The following CCDC91 variants were observed in gnomAD, a reference collection of about 807,000 sequenced individuals.
The protein encoded by CCDC91 is coiled-coil domain-containing protein 91.
CCDC91 carries 48 observed loss-of-function variants against 63.2 expected under a neutral mutation model. The ratio of observed to expected loss-of-function variants is 0.76; its 90% CI spans 0.60 to 0.97. The LOEUF is 0.97. Among genes scored for constraint, CCDC91 ranks in the 50% least tolerant of loss-of-function variants. The probability of loss-of-function intolerance (pLI) is 0.00; values close to 1 mark genes in which losing one functional copy is unlikely to be tolerated. For missense variants in CCDC91, 500 were observed against 494.6 expected (o/e 1.01, Z -0.10); for synonymous variants, 167 against 165.8 (o/e 1.01, Z -0.06).
chr12:28,255,672 G>A (rs1305506110), intron 1 of CCDC91: 4 of 151,982 alleles, frequency 2.6e-5, no homozygotes, highest in African/African-American at 7.2e-5. Context: ...TGTGAGTAAT[G>A]GTAATGATAC....
chr12:28,405,513 A>G (rs940051941), intron 8 of CCDC91, among the ~76,000 whole-genome samples: 3 of 152,196 alleles, frequency 2.0e-5, no homozygotes, highest in South Asian at 2.1e-4. Context: ...TCTGACCTAT[A>G]TAACTTTTCT....
chr12:28,277,459 C>T (rs1370769399), intron 3 of CCDC91, among the ~76,000 whole-genome samples: 1 of 151,996 alleles, frequency 6.6e-6, no homozygotes, highest in Non-Finnish European at 1.5e-5. Context: ...ATAGGTTGAA[C>T]ATCCCAAATC....
chr12:28,316,715 G>C (rs1233950452), intron 6 of CCDC91, among the ~76,000 whole-genome samples: 1 of 149,798 alleles, frequency 6.7e-6, no homozygotes, highest in Non-Finnish European at 1.5e-5. Flanking sequence ...TTTTAAATGA[G>C]TCATTTAAGA....
chr12:28,221,925 T>C (rs1943978736), intron 1 of CCDC91, among the ~76,000 whole-genome samples: 1 of 152,172 alleles, frequency 6.6e-6, no homozygotes, highest in African/African-American at 2.4e-5. Context: ...TCTGCCCCTT[T>C]AGCTCAGTGA....
At chr12:28,486,608 G>C (rs1951740361) in intron 12 of CCDC91, among the ~76,000 whole-genome samples, 1 of 152,026 alleles carries the variant, frequency 6.6e-6, no homozygotes, top group Non-Finnish European at 1.5e-5. Context: ...GCTACCATAA[G>C]AAGTGCCTAT....
At chr12:28,404,369 T>A (rs1431264248) in intron 8 of CCDC91, among the ~76,000 whole-genome samples, 1 of 152,110 alleles carries the variant, frequency 6.6e-6, no homozygotes, top group Non-Finnish European at 1.5e-5. Context: ...CCACATTTTG[T>A]GATTTCTACT....
Position 28,244,494 on chromosome 12 carries a change from C to CTTTTTTTTTTTTTT in CCDC91, c.-14-12689_-14-12676dup, listed in dbSNP as rs3064681. 7.8e-5 allele frequency among the ~76,000 whole-genome samples: 3 copies of CTTTTTTTTTTTTTT among 38,406 alleles called. 1 individual carries two copies. The highest frequency in any genetic ancestry group is 3.5e-4 in the African/African-American group (3 of 8,596). 25.2% of individuals were successfully genotyped at this position (38,406 alleles called of 152,430 possible). On this transcript the variant is annotated intron_variant, in intron 1 of 12. Transcript: ENST00000536442. ...GAAACTTGGACAATGTAGAAGAAGG[C>CTTTTTTTTTTTTTT]TTTTTTTTTTTTTTTTTTTTTTTTT...
chr12:28,448,652 A>G (rs1823264188), intron 8 of CCDC91, among the ~76,000 whole-genome samples: 1 of 152,112 alleles, frequency 6.6e-6, no homozygotes, highest in Non-Finnish European at 1.5e-5. Flanking sequence ...TTCTAACATT[A>G]CCAGTTCTTT....
chr12:28,291,008 GA>G (rs1199298637), intron 3 of CCDC91, among the ~76,000 whole-genome samples: 2 of 151,798 alleles, frequency 1.3e-5, no homozygotes, highest in African/African-American at 2.4e-5. Flanking sequence ...TTTTTACTTT[GA>G]AAAAATGTTA....
At chr12:28,441,138 T>C (rs1020070412) in intron 8 of CCDC91, among the ~76,000 whole-genome samples, 19 of 146,150 alleles carry the variant, frequency 1.3e-4, no homozygotes, top group Non-Finnish European at 2.7e-4. Flanking sequence ...AAGCACATGA[T>C]AAAATACTTA....
At chr12:28,215,108 A>G (rs1185869619) in intron 1 of CCDC91, among the ~76,000 whole-genome samples, 2 of 152,210 alleles carry the variant, frequency 1.3e-5, no homozygotes, top group African/African-American at 2.4e-5. Flanking sequence ...AGAAACTGCT[A>G]CTTCTTGACT....
chr12:28,399,491 C>T (rs1350148302), intron 8 of CCDC91, among the ~76,000 whole-genome samples: 1 of 152,210 alleles, frequency 6.6e-6, no homozygotes, highest in African/African-American at 2.4e-5. Flanking sequence ...CTTGACTTCA[C>T]ATTTCAAAAC....
intron 12 of CCDC91, among the ~76,000 whole-genome samples, chr12:28,502,986 G>T (rs1156738183): frequency 6.6e-6 from 1 of 151,920 alleles, no homozygotes; most frequent in Non-Finnish European, 1.5e-5. Context: ...AACCCTAGAA[G>T]AAAACCTAGG....
At chr12:28,504,652 G>A (rs542391019) in intron 12 of CCDC91, among the ~76,000 whole-genome samples, 24 of 151,906 alleles carry the variant, frequency 1.6e-4, no homozygotes, top group African/African-American at 2.4e-4. Context: ...CCTCCTAACT[G>A]GTATCCTTAC....
chr12:28,368,601 C>T (rs564712856), intron 7 of CCDC91, among the ~76,000 whole-genome samples: 4 of 152,208 alleles, frequency 2.6e-5, no homozygotes, highest in African/African-American at 9.6e-5. Flanking sequence ...TTAATTCTGT[C>T]AGTTTTTACT....
rs375710173 is a variant in CCDC91, at chr12:28,537,340, C to A, written c.1216-11723C>A. On this transcript the variant is annotated intron_variant, in intron 12 of 12. Coordinates refer to ENST00000536442, the MANE Select transcript of CCDC91 (RefSeq NM_018318.5). The stretch of plus-strand genomic sequence containing the variant: ...ACAATTTTTTTACTCTTCATAGACT[C>A]TTAAGCTATTATAGGAAATTCTATT... Among the ~76,000 whole-genome samples, 24 of 152,246 alleles carry A rather than the reference C, an allele frequency of 1.6e-4. No individual in the cohort carries two copies. The East Asian group carries it at 2.3e-3, about 15-fold the overall frequency.
chr12:28,269,771 T>C (rs1947613827), intron 3 of CCDC91, among the ~76,000 whole-genome samples: 2 of 152,196 alleles, frequency 1.3e-5, no homozygotes, highest in South Asian at 2.1e-4. Context: ...TTCCTCTGAA[T>C]ATTTTGTTGT....
chr12:28,284,429 G>T (rs1341575149), intron 3 of CCDC91, among the ~76,000 whole-genome samples: 2 of 152,194 alleles, frequency 1.3e-5, no homozygotes, highest in Admixed American at 6.5e-5. Flanking sequence ...GAGGTGGGCG[G>T]ATCATCTGAG....
intron 1 of CCDC91, among the ~76,000 whole-genome samples, chr12:28,237,277 A>C (rs1192395527): frequency 4.1e-5 from 2 of 49,312 alleles, no homozygotes; most frequent in Non-Finnish European, 1.4e-4. Context: ...TTTTTTAAAA[A>C]AAGTTGTTGT....
Sources: allele counts gnomAD v4.1 joint callset (sites outside exome capture counted in the v4.1 genomes callset), GRCh38; gene constraint gnomAD v4.1.1; transcripts MANE v1.5; gene names NCBI Gene and HGNC (gene_info 2026-07-23, HGNC 2026-07-21).